The following IMPG1 variants were observed in gnomAD, a reference collection of about 807,000 sequenced individuals.
IMPG1 encodes the protein interphotoreceptor matrix proteoglycan 1, also known as interphotoreceptor matrix proteoglycan of 150 kDa.
IMPG1 carries 85 observed loss-of-function variants against 92.0 expected under a neutral mutation model. That is an observed-to-expected ratio of 0.92 (90% CI 0.78 to 1.11). The LOEUF (loss-of-function observed/expected upper bound fraction) is 1.11. Ranked by LOEUF, IMPG1 falls within the 50% of genes least tolerant of loss-of-function variation. The pLI, the probability that IMPG1 is intolerant of heterozygous loss-of-function variation, is 0.00. For missense variants in IMPG1, 1,022 were observed against 956.0 expected, an observed-to-expected ratio of 1.07 and a Z score of -0.91; for synonymous variants, 367 against 334.1, an observed-to-expected ratio of 1.10 and a Z score of -1.08.
chr6:76,049,291 T>C (rs1783996596), intron 1 of IMPG1, among the ~76,000 whole-genome samples: 1 of 152,288 alleles, frequency 6.6e-6, no homozygotes, highest in Admixed American at 6.5e-5. Flanking sequence ...CAAACCTCCA[T>C]GACACTGTTT....
At chr6:76,015,932 G>C (rs987704277) in intron 7 of IMPG1, among the ~76,000 whole-genome samples, 7 of 151,936 alleles carry the variant, frequency 4.6e-5, no homozygotes, top group Non-Finnish European at 1.0e-4. Flanking sequence ...TTAAGAGCAA[G>C]AGTTCTGGTG....
chr6:75,967,451 C>T (rs1429637431), intron 12 of IMPG1, among the ~76,000 whole-genome samples: 4 of 152,028 alleles, frequency 2.6e-5, no homozygotes, highest in Non-Finnish European at 4.4e-5. Flanking sequence ...AAAAAGGTGC[C>T]GTCTGTGAGG....
intron 15 of IMPG1, among the ~76,000 whole-genome samples, chr6:75,924,718 AT>A (rs1277464606): frequency 0.19 from 3,626 of 19,276 alleles, 1,436 homozygotes; most frequent in East Asian, 0.55. Flanking sequence ...TATATAATAT[AT>A]AATATAATTA....
At position 75,950,636 on chromosome 6, in the gene IMPG1, T is replaced by C. The variant is rs763368369; in HGVS notation, c.1750A>G (p.Met584Val). The stretch of plus-strand genomic sequence containing the variant: ...TTGAACAGGTCGTTGGAGAAGGCCA[T>C]GTTAGCAACACGCAGACTGAAGAAC... The part of the protein sequence containing the change: ...VVFFSLRVAN[M>V]AFSNDLFNKS... Residue 584 changes from methionine (M) to valine (V), a missense_variant, in exon 13 of 17, where the codon ATG (methionine) becomes GTG (valine). Met to Val is a conservative substitution (Grantham distance 21, BLOSUM62 1). Transcript: ENST00000369950. 12 of 1,613,874 alleles carry C rather than the reference T, an allele frequency of 7.4e-6. No individual in the cohort carries two copies. The highest frequency in any genetic ancestry group is 5.0e-5 in the Admixed American group (3 of 59,954).
intron 1 of IMPG1, among the ~76,000 whole-genome samples, chr6:76,046,795 T>C (rs1259129024): frequency 6.6e-6 from 1 of 152,168 alleles, no homozygotes; most frequent in African/African-American, 2.4e-5. Flanking sequence ...CAATAAGAAC[T>C]CCTTTATCAG....
rs1279257597 is a variant in IMPG1, at chr6:75,976,153, A to ATG, written c.1292-25061_1292-25060dup. Among the ~76,000 whole-genome samples the ATG allele has an allele frequency of 4.6e-5, 7 of 152,284 alleles. No homozygotes were observed. In the South Asian group the frequency reaches 1.5e-3, roughly 32 times the overall value. ...TAATGAGGTAAATAAAATCTTCAAT[A>ATG]TGTGTTCATTTTACATTTAAATGAG... is the stretch of plus-strand genomic sequence containing the variant. On this transcript the variant is annotated intron_variant, in intron 12 of 16. Coordinates refer to ENST00000369950, the MANE Select transcript of IMPG1 (RefSeq NM_001563.4).
At chr6:76,031,542 A>C (rs1783653534) in intron 4 of IMPG1, among the ~76,000 whole-genome samples, 1 of 152,232 alleles carries the variant, frequency 6.6e-6, no homozygotes, top group Non-Finnish European at 1.5e-5. Flanking sequence ...TTTTGCTGCT[A>C]TAGTGGAATT....
intron 12 of IMPG1, among the ~76,000 whole-genome samples, chr6:75,981,705 G>T (rs1356948003): frequency 2.0e-5 from 3 of 152,182 alleles, no homozygotes; most frequent in Admixed American, 2.0e-4. Flanking sequence ...CTGTAAGTTG[G>T]TTCTGTAAAT....
intron 12 of IMPG1, among the ~76,000 whole-genome samples, chr6:75,974,256 TTC>T (rs1782469997): frequency 6.6e-6 from 1 of 151,662 alleles, no homozygotes; most frequent in African/African-American, 2.4e-5. Context: ...CTTTCTTTCT[TTC>T]TTTCTCTCTC....
intron 14 of IMPG1, among the ~76,000 whole-genome samples, chr6:75,936,982 G>A (rs1333514077): frequency 1.3e-5 from 2 of 152,204 alleles, no homozygotes; most frequent in Admixed American, 1.3e-4. Flanking sequence ...GAGGTGAAGT[G>A]TGTCTGGCAG....
At chr6:76,058,030 T>C (rs1045163519) in intron 1 of IMPG1, among the ~76,000 whole-genome samples, 1 of 151,944 alleles carries the variant, frequency 6.6e-6, no homozygotes, top group African/African-American at 2.4e-5. Context: ...TTTTTCATTG[T>C]TTGATTTGGT....
chr6:75,926,086 T>C (rs1385010234), intron 15 of IMPG1, among the ~76,000 whole-genome samples: 1 of 152,154 alleles, frequency 6.6e-6, no homozygotes, highest in East Asian at 1.9e-4. Context: ...GCTTTGAGAA[T>C]GCCAGGGAAG....
chr6:75,931,578 AG>A (rs1781669504), intron 14 of IMPG1, among the ~76,000 whole-genome samples: 3 of 145,852 alleles, frequency 2.1e-5, no homozygotes, highest in Non-Finnish European at 4.6e-5. Flanking sequence ...TTTGTTACTT[AG>A]TTTTTTTTTT....
intron 16 of IMPG1, 97 bp downstream of exon 16, chr6:75,923,537 C>T (rs1781467219): frequency 2.9e-6 from 2 of 687,376 alleles, no homozygotes; most frequent in South Asian, 3.3e-5. Context: ...AAGTATCTTG[C>T]TTATCTCTAT....
chr6:75,946,921 T>C (rs1335118692), intron 14 of IMPG1, among the ~76,000 whole-genome samples: 2 of 152,128 alleles, frequency 1.3e-5, no homozygotes, highest in East Asian at 3.8e-4. Flanking sequence ...AAAGATTGCT[T>C]AGGTAGGAAG....
chr6:76,072,400 AG>A, intron 1 of IMPG1, 21 bp downstream of exon 1: 1 of 1,319,962 alleles, frequency 7.6e-7, no homozygotes, highest in Non-Finnish European at 1.1e-6. Context: ...GCAATTTAAA[AG>A]TAAACATTTA....
intron 1 of IMPG1, among the ~76,000 whole-genome samples, chr6:76,064,090 T>C (rs1369616828): frequency 6.6e-6 from 1 of 151,810 alleles, no homozygotes; most frequent in Non-Finnish European, 1.5e-5. Flanking sequence ...CAGTTGTGGA[T>C]ACAGGCTGCT....
intron 1 of IMPG1, among the ~76,000 whole-genome samples, chr6:76,060,808 T>G (rs1435078567): frequency 6.6e-6 from 1 of 152,168 alleles, no homozygotes; most frequent in Non-Finnish European, 1.5e-5. Context: ...GATGGAGACC[T>G]CACTTACCCC....
chr6:75,922,206 C>G (rs1255708920), intron 16 of IMPG1, 40 bp from the exon 17 acceptor site: 1 of 860,904 alleles, frequency 1.2e-6, no homozygotes, highest in South Asian at 1.5e-5. Flanking sequence ...GAAATGCCAC[C>G]CAAGGTCAAA....
Sources: gnomAD v4.1 joint callset for allele counts (sites outside exome capture counted in the v4.1 genomes callset) on GRCh38, gnomAD v4.1.1 for gene constraint, MANE v1.5 for transcripts, NCBI Gene and HGNC (gene_info 2026-07-23, HGNC 2026-07-21) for gene names.